ZNF844: variants seen among roughly 807,000 people sequenced by gnomAD.
ZNF844 encodes the protein zinc finger protein 844.
A neutral mutation model predicts 11.4 loss-of-function variants in ZNF844; 11 were observed. That is an observed-to-expected ratio of 0.97 (90% CI 0.61 to 1.60). The LOEUF (loss-of-function observed/expected upper bound fraction) is 1.60, where lower values mean the gene tolerates loss of function less well. Among genes scored for constraint, ZNF844 ranks in the 40% most tolerant of loss-of-function variants. The pLI, the probability that ZNF844 is intolerant of heterozygous loss-of-function variation, is 0.00. For synonymous variants in ZNF844, 248 were observed against 260.3 expected (o/e 0.95, Z 0.46); for missense variants, 790 against 796.8 (o/e 0.99, Z 0.10).
rs1457783112 is a variant in ZNF844, at chr19:12,077,212, A to G, written c.*91A>G. On this transcript the variant is annotated 3_prime_UTR_variant, in exon 4 of 4. Transcript: ENST00000439326. ...AGGATTCACACTGGAGAGAAACCCT[A>G]TGAGTGTAAGCAGTGTGGTAAAGCC... The G allele has an allele frequency of 1.3e-6, 2 of 1,592,082 alleles. No individual in the cohort carries two copies. The highest frequency in any genetic ancestry group is 4.5e-5 in the East Asian group (2 of 44,760).
In ZNF844 at chr19:12,079,259, T is replaced by C. The variant is rs374126340; in HGVS notation, c.*2138T>C. The C allele has an allele frequency of 4.6e-5, 7 of 152,270 alleles. No individual in the cohort carries two copies. The East Asian group carries it at 1.2e-3, about 25-fold the overall frequency. The allele number at this position is 152,270 out of a possible 1,614,324, so 9.4% of individuals were successfully genotyped here. A position where few individuals can be genotyped will look rare whatever the true frequency, so the allele number is the denominator to read the frequency against. On this transcript the variant is annotated 3_prime_UTR_variant, in exon 4 of 4. Coordinates refer to ENST00000439326, the MANE Select transcript of ZNF844 (RefSeq NM_001136501.3). ...ATTGTATCAGATCCTTTTGTAGCCA[T>C]GAAAGAACTCGCTGAAGAGAAACCC... is the stretch of plus-strand genomic sequence containing the variant.
intron 1 of ZNF844, among the ~76,000 whole-genome samples, chr19:12,069,254 C>T (rs1300826841): frequency 7.3e-6 from 1 of 136,092 alleles, no homozygotes; most frequent in Non-Finnish European, 1.5e-5. Flanking sequence ...GTGATCTCGG[C>T]TCACTGCAAC....
At chr19:12,075,174 G>A (rs889693723) in intron 3 of ZNF844, 138 bp from the exon 4 acceptor site, 7 of 519,174 alleles carry the variant, frequency 1.3e-5, no homozygotes, top group African/African-American at 1.0e-4. Context: ...TGCACGTTGT[G>A]CACATGTACC....
rs1599402763 is a variant in ZNF844, at chr19:12,077,200, G to A, written c.*79G>A. 1 of 1,597,790 alleles carries A rather than the reference G, an allele frequency of 6.3e-7. No homozygotes were observed. Among genetic ancestry groups the A allele is most frequent in the East Asian group, 2.2e-5 (1 of 44,744 alleles). On this transcript the variant is annotated 3_prime_UTR_variant, in exon 4 of 4. Transcript: ENST00000439326. ...CAGTGTCATAAAAGGATTCACACTG[G>A]AGAGAAACCCTATGAGTGTAAGCAG...
chr19:12,077,599 T>G lies in ZNF844; in HGVS notation c.*478T>G, dbSNP rs963579923. 1.8e-6 allele frequency: 1 copy of G among 564,686 alleles called. No individual in the cohort carries two copies. 35.0% of individuals were successfully genotyped at this position (564,686 alleles called of 1,614,324 possible). ...TTCAGATCTGCCACTCAACTTCAGA[T>G]GCATAGAAAGATTCACACTGGCGAG... On this transcript the variant is annotated 3_prime_UTR_variant, in exon 4 of 4. Coordinates refer to ENST00000439326, the MANE Select transcript of ZNF844 (RefSeq NM_001136501.3).
In ZNF844 at chr19:12,076,817, A is replaced by G. The variant is rs1250879842; in HGVS notation, c.1697A>G (p.His566Arg). ...AACCCTATAAGGAATATGGAAAAGC[A>G]TTCAACAATTTCTCTTCCTTTCAAA... ...ERNPIRNMEK[H>R]STISLPFKYM... The change falls in exon 4 of 4, where the codon CAT (histidine) becomes CGT (arginine). Residue 566 changes from histidine (H) to arginine (R), a missense_variant. Around this residue, in one of 3 missense-constraint regions of ZNF844, gnomAD observed 657 missense variants for 636.2 expected, o/e 1.03. Coordinates refer to ENST00000439326, the MANE Select transcript of ZNF844 (RefSeq NM_001136501.3). The G allele has an allele frequency of 8.3e-6, 13 of 1,560,966 alleles. No individual in the cohort carries two copies. Among genetic ancestry groups the G allele is most frequent in the African/African-American group, 1.4e-5 (1 of 73,148 alleles).
In ZNF844 at chr19:12,077,602, A is replaced by G. The variant is rs1203734619; in HGVS notation, c.*481A>G. The stretch of plus-strand genomic sequence containing the variant: ...AGATCTGCCACTCAACTTCAGATGC[A>G]TAGAAAGATTCACACTGGCGAGAAA... On this transcript the variant is annotated 3_prime_UTR_variant, in exon 4 of 4. Transcript: ENST00000439326. 1 of 564,582 alleles carries G rather than the reference A, an allele frequency of 1.8e-6. No individual in the cohort carries two copies. The highest frequency in any genetic ancestry group is 3.5e-6 in the Non-Finnish European group (1 of 287,806). 35.0% of individuals were successfully genotyped at this position (564,582 alleles called of 1,614,324 possible).
rs1237526171 is a variant in ZNF844, at chr19:12,075,827, A to T, written c.707A>T (p.Tyr236Phe). The T allele has an allele frequency of 1.2e-6, 2 of 1,610,524 alleles. No homozygotes were observed. The highest frequency in any genetic ancestry group is 1.7e-6 in the Non-Finnish European group (2 of 1,178,492). ...KCKQCGKAFSYSTSLQIHERT... is the reference protein window; with the variant it reads ...KCKQCGKAFSFSTSLQIHERT... ...AAACAATGTGGTAAAGCCTTTAGTT[A>T]TTCAACTTCCCTTCAAATACATGAA... The change falls in exon 4 of 4, where the codon TAT becomes TTT. Residue 236 changes from tyrosine to phenylalanine, a missense_variant. Physicochemically the swap from Tyr to Phe is conservative, Grantham distance 22 (BLOSUM62 3). Around this residue, in one of 3 missense-constraint regions of ZNF844, gnomAD observed 657 missense variants for 636.2 expected, o/e 1.03. Coordinates refer to ENST00000439326, the MANE Select transcript of ZNF844 (RefSeq NM_001136501.3).
chr19:12,080,620 A>G lies in ZNF844; in HGVS notation c.*3499A>G, dbSNP rs1975887162. 1 of 160,052 alleles carries G rather than the reference A, an allele frequency of 6.2e-6. No individual in the cohort carries two copies. The highest frequency in any genetic ancestry group is 1.4e-5 in the Non-Finnish European group (1 of 71,870). 9.9% of individuals were successfully genotyped at this position (160,052 alleles called of 1,614,324 possible). A position where few individuals can be genotyped will look rare whatever the true frequency, so the allele number is the denominator to read the frequency against. The stretch of plus-strand genomic sequence containing the variant: ...CTCAGAGGTGTGGGCCTTTGGGTAA[A>G]GGTGTCTTCAGAAGCTCCACATTAA... On this transcript the variant is annotated 3_prime_UTR_variant, in exon 4 of 4. Transcript: ENST00000439326.
chr19:12,073,954 A>C, intron 1 of ZNF844, 77 bp from the exon 2 acceptor site: 1 of 1,520,758 alleles, frequency 6.6e-7, no homozygotes, highest in Admixed American at 2.2e-5. Flanking sequence ...CATCATGGGA[A>C]CTTCTTAGGA....
chr19:12,077,930 G>T lies in ZNF844; in HGVS notation c.*809G>T, dbSNP rs113273505. On this transcript the variant is annotated 3_prime_UTR_variant, in exon 4 of 4. Coordinates refer to ENST00000439326, the MANE Select transcript of ZNF844 (RefSeq NM_001136501.3). ...TGCAAGCTCCACCTCCTGGGTTCACGCCATTCTCCTGCCTCAGTCTCCTGA... is the reference window on the plus strand; with the variant it reads ...TGCAAGCTCCACCTCCTGGGTTCACTCCATTCTCCTGCCTCAGTCTCCTGA... 0.013 allele frequency: 2,513 copies of T among 198,526 alleles called. 60 individuals are homozygous for T. Among genetic ancestry groups the T allele is most frequent in the African/African-American group, 0.047 (1,980 of 41,878 alleles). The allele number at this position is 198,526 out of a possible 1,614,324, so 12.3% of individuals were successfully genotyped here. A position where few individuals can be genotyped will look rare whatever the true frequency, so the allele number is the denominator to read the frequency against.
At position 12,075,654 on chromosome 19, in the gene ZNF844, C is replaced by T. The variant is rs138158370; in HGVS notation, c.534C>T (p.Phe178=). ...ATTGTAAAGAATGTGGAAAAACCTTCATATCCCATTCAAGCATTCAAAGAC... is the reference window on the plus strand; with the variant it reads ...ATTGTAAAGAATGTGGAAAAACCTTTATATCCCATTCAAGCATTCAAAGAC... ...LYDCKECGKT[F]ISHSSIQRHM... The change falls in exon 4 of 4, where the codon TTC becomes TTT. Residue 178 remains phenylalanine (F), a synonymous_variant. Transcript: ENST00000439326. 6.2e-6 allele frequency: 10 copies of T among 1,612,120 alleles called. No homozygotes were observed. In the East Asian group the frequency reaches 2.2e-4, roughly 36 times the overall value.
chr19:12,074,355 T>C lies in ZNF844; in HGVS notation c.131-6T>C. Reference sequence around the variant, plus strand: ...TCAGGATTCTTTTTCTGATTCTGTATTTTAGGAGAAAAATGGAAAGACCAG... The same window carrying C: ...TCAGGATTCTTTTTCTGATTCTGTACTTTAGGAGAAAAATGGAAAGACCAG... On this transcript the variant is annotated splice_region_variant and splice_polypyrimidine_tract_variant and intron_variant, in intron 2 of 3. Transcript: ENST00000439326. 2 of 1,522,810 alleles carry C rather than the reference T, an allele frequency of 1.3e-6. No individual in the cohort carries two copies. Among genetic ancestry groups the C allele is most frequent in the Non-Finnish European group, 1.8e-6 (2 of 1,136,022 alleles). The allele number at this position is 1,522,810 out of a possible 1,614,324, so 94.3% of individuals were successfully genotyped here.
chr19:12,074,479 A>C lies in ZNF844; in HGVS notation c.191+58A>C. ...CTCTAGAAAATCTCAGAATGCGAGA[A>C]TATGTTAAGAAGAAGCAAATAAAGG... On this transcript the variant is annotated intron_variant, in intron 3 of 3. Coordinates refer to ENST00000439326, the MANE Select transcript of ZNF844 (RefSeq NM_001136501.3). 3 of 1,186,486 alleles carry C rather than the reference A, an allele frequency of 2.5e-6. No homozygotes were observed. The South Asian group carries it at 4.3e-5, about 17-fold the overall frequency. The allele number at this position is 1,186,486 out of a possible 1,614,324, so 73.5% of individuals were successfully genotyped here.
chr19:12,071,697 T>G (rs1459539647), intron 1 of ZNF844, among the ~76,000 whole-genome samples: 2 of 82,304 alleles, frequency 2.4e-5, no homozygotes, highest in African/African-American at 2.1e-4. Context: ...ATCAATTAGG[T>G]TTTTTTTTTT....
Position 12,074,100 on chromosome 19 carries a change from C to A in ZNF844, c.73C>A (p.Gln25Lys), listed in dbSNP as rs1223354409. The stretch of plus-strand genomic sequence containing the variant: ...GGAGTGGTCTTTGCTGGATCCTTCC[C>A]AGAAGAATCTCTACAGAGAAGTGAT... The part of the protein sequence containing the change: ...QEEWSLLDPS[Q>K]KNLYREVMQE... The change falls in exon 2 of 4, where the codon CAG (glutamine) becomes AAG (lysine). Residue 25 changes from glutamine (Q) to lysine (K), a missense_variant. Around this residue, in one of 3 missense-constraint regions of ZNF844, gnomAD observed 129 missense variants for 144.0 expected, o/e 0.90. Transcript: ENST00000439326. The A allele has an allele frequency of 6.2e-7, 1 of 1,613,652 alleles. No individual in the cohort carries two copies. The highest frequency in any genetic ancestry group is 8.5e-7 in the Non-Finnish European group (1 of 1,179,832).
rs564930060 is a variant in ZNF844 at position 12,075,958 on chromosome 19, C to G, written c.838C>G (p.Pro280Ala). ...EHRRTHTGEK[P>A]YECKQCGKAF... Reference sequence around the variant, plus strand: ...TAGAAGAACTCACACTGGAGAGAAGCCATATGAATGCAAACAATGTGGAAA... The same window carrying G: ...TAGAAGAACTCACACTGGAGAGAAGGCATATGAATGCAAACAATGTGGAAA... Residue 280 changes from proline (P) to alanine (A), a missense_variant, in exon 4 of 4, where the codon CCA becomes GCA. Coordinates refer to ENST00000439326, the MANE Select transcript of ZNF844 (RefSeq NM_001136501.3). The G allele has an allele frequency of 2.3e-5, 37 of 1,596,372 alleles. No homozygotes were observed. The highest frequency in any genetic ancestry group is 3.0e-5 in the Non-Finnish European group (35 of 1,170,972).
At chr19:12,064,911 T>C in intron 1 of ZNF844, 35 bp downstream of exon 1, 1 of 1,547,624 alleles carries the variant, frequency 6.5e-7, no homozygotes, top group Non-Finnish European at 8.7e-7. Context: ...TCCCGAGACT[T>C]GGGGGAGGGT....
chr19:12,077,372 G>A lies in ZNF844; in HGVS notation c.*251G>A. On this transcript the variant is annotated 3_prime_UTR_variant, in exon 4 of 4. Transcript: ENST00000439326. Reference sequence around the variant, plus strand: ...ACCATGAAAGGACTCACACTGGAGAGAAACAGTATGAGTGTAAGCAGTGTG... The same window carrying A: ...ACCATGAAAGGACTCACACTGGAGAAAAACAGTATGAGTGTAAGCAGTGTG... 1.3e-6 allele frequency: 1 copy of A among 784,422 alleles called. No homozygotes were observed. Among genetic ancestry groups the A allele is most frequent in the Non-Finnish European group, 2.2e-6 (1 of 444,982 alleles). 48.6% of individuals were successfully genotyped at this position (784,422 alleles called of 1,614,324 possible). A position where few individuals can be genotyped will look rare whatever the true frequency, so the allele number is the denominator to read the frequency against.
Sources: allele counts gnomAD v4.1 joint callset (sites outside exome capture counted in the v4.1 genomes callset), GRCh38; gene constraint gnomAD v4.1.1; regional missense constraint gnomAD v4.1.1; transcripts MANE v1.5; gene names NCBI Gene and HGNC (gene_info 2026-07-23, HGNC 2026-07-21).